HHAT: variants seen among roughly 807,000 people sequenced by gnomAD.
HHAT encodes the protein hedgehog acyltransferase, also known as protein-cysteine N-palmitoyltransferase HHAT.
HHAT carries 47 observed loss-of-function variants against 70.8 expected under a neutral mutation model. The ratio of observed to expected loss-of-function variants is 0.66; its 90% CI spans 0.53 to 0.85. The LOEUF is 0.85. HHAT is among the 40% of genes least tolerant of loss of function. The pLI is 0.00. For missense variants in HHAT, 609 were observed against 604.8 expected (o/e 1.01, Z -0.07); for synonymous variants, 228 against 247.6 (o/e 0.92, Z 0.74).
rs116053574 is a variant in HHAT, at chr1:210,585,997, C to T, written c.1044-1901C>T. Among the ~76,000 whole-genome samples, 691 of 152,274 alleles carry T rather than the reference C, an allele frequency of 4.5e-3. 11 individuals are homozygous for T. The highest frequency in any genetic ancestry group is 0.015 in the African/African-American group (640 of 41,574). On this transcript the variant is annotated intron_variant, in intron 9 of 11. Coordinates refer to ENST00000261458, the MANE Select transcript of HHAT (RefSeq NM_018194.6). Reference sequence around the variant, plus strand: ...GGATTCTTGCTACAATAAAGATGGACACCAAGGTTGAGGCCTAGAGAGCTT... The same window carrying T: ...GGATTCTTGCTACAATAAAGATGGATACCAAGGTTGAGGCCTAGAGAGCTT...
At chr1:210,470,534 G>T (rs2094185831) in intron 8 of HHAT, among the ~76,000 whole-genome samples, 1 of 152,160 alleles carries the variant, frequency 6.6e-6, no homozygotes. Flanking sequence ...AAAGTGGAAA[G>T]GGACTATCAA....
intron 8 of HHAT, among the ~76,000 whole-genome samples, chr1:210,501,568 G>A (rs1176105510): frequency 6.6e-6 from 1 of 152,218 alleles, no homozygotes; most frequent in Non-Finnish European, 1.5e-5. Context: ...GGTCTCAAGA[G>A]TCCCTCACTG....
chr1:210,647,031 G>C (rs1674195738), intron 11 of HHAT, among the ~76,000 whole-genome samples: 1 of 152,214 alleles, frequency 6.6e-6, no homozygotes, highest in Non-Finnish European at 1.5e-5. Flanking sequence ...CTGTGGCAAA[G>C]ACCACAAACT....
At chr1:210,477,417 T>G (rs1183524538) in intron 8 of HHAT, among the ~76,000 whole-genome samples, 1 of 152,100 alleles carries the variant, frequency 6.6e-6, no homozygotes, top group Non-Finnish European at 1.5e-5. Flanking sequence ...GACTCTGCCA[T>G]TCAGGAAGAA....
chr1:210,481,487 T>C (rs2094395798), intron 8 of HHAT, among the ~76,000 whole-genome samples: 1 of 152,108 alleles, frequency 6.6e-6, no homozygotes, highest in Non-Finnish European at 1.5e-5. Flanking sequence ...TTACTGTGCT[T>C]GGGGGTCACT....
At chr1:210,356,414 T>C (rs1023095687) in intron 2 of HHAT, among the ~76,000 whole-genome samples, 1 of 152,096 alleles carries the variant, frequency 6.6e-6, no homozygotes, top group African/African-American at 2.4e-5. Flanking sequence ...TATTCAGTGA[T>C]ATATCTGTAG....
At chr1:210,398,351 CAT>C (rs2091903334) in intron 4 of HHAT, among the ~76,000 whole-genome samples, 1 of 152,120 alleles carries the variant, frequency 6.6e-6, no homozygotes, top group Non-Finnish European at 1.5e-5. Flanking sequence ...ACATGAGGCT[CAT>C]GTGAGAGCGT....
chr1:210,583,947 A>ATTTTTTTTTTTTTTTTTTTTT (rs371722219), intron 9 of HHAT, among the ~76,000 whole-genome samples: 1 of 88,992 alleles, frequency 1.1e-5, no homozygotes, highest in Non-Finnish European at 2.0e-5. Flanking sequence ...AGTGCAGCTA[A>ATTTTTTTTTTTTTTTTTTTTT]TTTTTTTTTT....
At chr1:210,666,205 A>G (rs546797821) in intron 11 of HHAT, among the ~76,000 whole-genome samples, 2 of 152,318 alleles carry the variant, frequency 1.3e-5, no homozygotes, top group African/African-American at 4.8e-5. Context: ...GGGGTAATTG[A>G]TAGCTCAGAC....
intron 11 of HHAT, among the ~76,000 whole-genome samples, chr1:210,624,257 G>A (rs1669428987): frequency 1.3e-5 from 2 of 152,130 alleles, no homozygotes; most frequent in Admixed American, 6.5e-5. Context: ...GTTCCCACCA[G>A]CAAGAAGGTC....
intron 8 of HHAT, among the ~76,000 whole-genome samples, chr1:210,512,689 AAC>A (rs950001038): frequency 2.0e-5 from 3 of 149,224 alleles, no homozygotes; most frequent in Admixed American, 6.7e-5. Context: ...AAAAAAAAAA[AAC>A]CCATATATAT....
chr1:210,607,690 G>C (rs1180811591), intron 10 of HHAT, among the ~76,000 whole-genome samples: 3 of 151,796 alleles, frequency 2.0e-5, no homozygotes, highest in Non-Finnish European at 4.4e-5. Flanking sequence ...GATGGCCAGG[G>C]TCTAGGGTCA....
intron 11 of HHAT, among the ~76,000 whole-genome samples, chr1:210,624,038 C>T (rs1325904970): frequency 6.6e-6 from 1 of 152,130 alleles, no homozygotes; most frequent in African/African-American, 2.4e-5. Context: ...ACTTAATCCC[C>T]AATTGGCATT....
intron 9 of HHAT, among the ~76,000 whole-genome samples, chr1:210,581,005 A>G (rs757572296): frequency 2.8e-4 from 42 of 152,102 alleles, no homozygotes; most frequent in Non-Finnish European, 5.0e-4. Context: ...CTGACTTTTT[A>G]ATAATCACCA....
intron 5 of HHAT, among the ~76,000 whole-genome samples, chr1:210,404,149 A>G (rs2092220867): frequency 6.6e-6 from 1 of 152,196 alleles, no homozygotes; most frequent in South Asian, 2.1e-4. Flanking sequence ...TATGCCCTGG[A>G]TGTATCTGAT....
chr1:210,542,822 ATT>A (rs1341233428), intron 9 of HHAT, among the ~76,000 whole-genome samples: 1 of 151,968 alleles, frequency 6.6e-6, no homozygotes. Flanking sequence ...ATAAAATAAT[ATT>A]GTCTTAAATC....
chr1:210,447,731 G>A (rs1040838681), intron 7 of HHAT, among the ~76,000 whole-genome samples: 2 of 152,190 alleles, frequency 1.3e-5, no homozygotes, highest in African/African-American at 4.8e-5. Context: ...TCCTGGCCCT[G>A]ATTTCTTTCT....
intron 9 of HHAT, among the ~76,000 whole-genome samples, chr1:210,554,581 A>G (rs930300460): frequency 2.0e-5 from 3 of 152,074 alleles, no homozygotes; most frequent in Non-Finnish European, 4.4e-5. Context: ...TGAGTGTGCA[A>G]TGTGTGGGAA....
At chr1:210,477,871 G>A (rs1206601606) in intron 8 of HHAT, among the ~76,000 whole-genome samples, 1 of 152,160 alleles carries the variant, frequency 6.6e-6, no homozygotes, top group Non-Finnish European at 1.5e-5. Flanking sequence ...CTTGGTAATG[G>A]GGGCAGTAGC....
Sources: allele counts gnomAD v4.1 joint callset (sites outside exome capture counted in the v4.1 genomes callset), GRCh38; gene constraint gnomAD v4.1.1; transcripts MANE v1.5; gene names NCBI Gene and HGNC (gene_info 2026-07-23, HGNC 2026-07-21).